The following MYBPC1 variants were observed in gnomAD, a reference collection of about 807,000 sequenced individuals.
MYBPC1 encodes myosin binding protein C1, also known as myosin-binding protein C, slow-type.
MYBPC1 carries 52 observed loss-of-function variants against 147.1 expected under a neutral mutation model. The ratio of observed to expected loss-of-function variants is 0.35; its 90% CI spans 0.28 to 0.45. The LOEUF (loss-of-function observed/expected upper bound fraction) is 0.45. Among genes scored for constraint, MYBPC1 ranks in the 20% least tolerant of loss-of-function variants. The pLI is 1.00. For missense variants in MYBPC1, 1,228 were observed against 1,440.3 expected, an observed-to-expected ratio of 0.85 and a Z score of 2.39; for synonymous variants, 477 against 475.9, an observed-to-expected ratio of 1.00 and a Z score of -0.03.
chr12:101,632,111 A>G lies in MYBPC1; in HGVS notation c.529A>G (p.Ser177Gly), dbSNP rs764240869. ...GGTCACCTATAAGGATAAGTTTGAC[A>G]GCTGTTCATTTGATCTTGAAGTGCA... ...CEVTYKDKFD[S>G]CSFDLEVHES... Residue 177 changes from serine (S) to glycine (G), a missense_variant, in exon 8 of 32, where the codon AGC becomes GGC. By Grantham distance (56) the Ser-to-Gly change is moderately conservative. Around this residue, in one of 2 missense-constraint regions of MYBPC1, gnomAD observed 1,077 missense variants for 1,314.2 expected, o/e 0.82. Transcript: ENST00000361466. The G allele has an allele frequency of 1.9e-6, 3 of 1,613,318 alleles. No homozygotes were observed. In the South Asian group the frequency reaches 3.3e-5, roughly 18 times the overall value.
In MYBPC1 at chr12:101,680,426, C is replaced by A. The variant is rs368046476; in HGVS notation, c.3330C>A (p.Thr1110=). The change falls in exon 29 of 32, where the codon ACC becomes ACA. Residue 1110 remains threonine, a synonymous_variant. Transcript: ENST00000361466. ...YRMFSNQGVC[T]LEIRKPSPYD... is the part of the protein sequence containing the mutation. ...TGTTCAGCAACCAGGGAGTCTGTACCCTGGAAATTCGCAAGCCCAGCCCCT... is the reference window on the plus strand; with the variant it reads ...TGTTCAGCAACCAGGGAGTCTGTACACTGGAAATTCGCAAGCCCAGCCCCT... 6 of 1,613,836 alleles carry A rather than the reference C, an allele frequency of 3.7e-6. No homozygotes were observed. The highest frequency in any genetic ancestry group is 5.1e-6 in the Non-Finnish European group (6 of 1,179,992).
In MYBPC1 at chr12:101,667,887, A is replaced by C. The variant is rs1897782334; in HGVS notation, c.2512A>C (p.Lys838Gln). Residue 838 changes from lysine (K) to glutamine (Q), a missense_variant, in exon 23 of 32, where the codon AAG becomes CAG. By Grantham distance (53) the Lys-to-Gln change is moderately conservative. This residue lies in a region of MYBPC1 where 1,077 missense variants were observed against 1,314.2 expected (regional missense o/e 0.82). Coordinates refer to ENST00000361466, the MANE Select transcript of MYBPC1 (RefSeq NM_002465.4). ...PKYYSQPILV[K>Q]EIIEPPKIRI... ...GTACTATTCTCAGCCCATTCTCGTG[A>C]AGGAAATCATAGGTAGGAGACAAGG... The C allele has an allele frequency of 1.2e-6, 2 of 1,614,054 alleles. No individual in the cohort carries two copies.
chr12:101,660,002 C>A, intron 19 of MYBPC1, 171 bp downstream of exon 19: 1 of 840,986 alleles, frequency 1.2e-6, no homozygotes, highest in Middle Eastern at 3.1e-4. Flanking sequence ...CTAAGGTCAG[C>A]CATTTGGGGT....
chr12:101,674,862 CAAAAAAAAAAA>C (rs62824364), intron 25 of MYBPC1, among the ~76,000 whole-genome samples: 2 of 59,866 alleles, frequency 3.3e-5, no homozygotes, highest in East Asian at 8.1e-4. Context: ...ACTCTGTCTC[CAAAAAAAAAAA>C]AAAAAAAAAA....
At position 101,617,204 on chromosome 12, in the gene MYBPC1, C is replaced by T; in HGVS notation, c.64C>T (p.Pro22Ser). 1 of 1,613,626 alleles carries T rather than the reference C, an allele frequency of 6.2e-7. No homozygotes were observed. The highest frequency in any genetic ancestry group is 8.5e-7 in the Non-Finnish European group (1 of 1,179,792). ...ATATGCTTGTACTTTCTACACAGAACCAAGTAAAGAGAAGGAGGCCGGAAC... is the reference window on the plus strand; with the variant it reads ...ATATGCTTGTACTTTCTACACAGAATCAAGTAAAGAGAAGGAGGCCGGAAC... ...VPAPAPPPEE[P>S]SKEKEAGTTP... The change falls in exon 3 of 32, where the codon CCA becomes TCA. Residue 22 changes from proline (P) to serine (S), a missense_variant and splice_region_variant. By Grantham distance (74) the Pro-to-Ser change is moderately conservative. Around this residue, in one of 2 missense-constraint regions of MYBPC1, gnomAD observed 151 missense variants for 126.1 expected, o/e 1.20. Transcript: ENST00000361466.
chr12:101,624,268 C>T (rs1246272448), intron 3 of MYBPC1, among the ~76,000 whole-genome samples: 1 of 152,028 alleles, frequency 6.6e-6, no homozygotes, highest in Non-Finnish European at 1.5e-5. Flanking sequence ...AGTAATAACA[C>T]ATATCCCTGT....
chr12:101,659,088 A>G (rs11110937), intron 18 of MYBPC1, among the ~76,000 whole-genome samples: 34,102 of 152,094 alleles, frequency 0.22, 4,100 homozygotes, highest in Middle Eastern at 0.34. Context: ...AGGAGGCTCA[A>G]CCTCGCTCTG....
intron 18 of MYBPC1, among the ~76,000 whole-genome samples, chr12:101,655,161 C>A (rs1210826247): frequency 3.3e-5 from 5 of 151,710 alleles, no homozygotes; most frequent in African/African-American, 9.7e-5. Flanking sequence ...TAAGTGTATT[C>A]CATATGTTCA....
rs1440519701 is a variant in MYBPC1, at chr12:101,615,445, T to C, written c.61+914T>C. On this transcript the variant is annotated intron_variant, in intron 2 of 31. Coordinates refer to ENST00000361466, the MANE Select transcript of MYBPC1 (RefSeq NM_002465.4). The stretch of plus-strand genomic sequence containing the variant: ...ATTTACCCTGTGCACAACTCTGACC[T>C]AACCCTTCAGAGGGATTCAGACATA... Among the ~76,000 whole-genome samples the C allele has an allele frequency of 2.0e-5, 3 of 152,280 alleles. No homozygotes were observed. The East Asian group carries it at 5.8e-4, about 29-fold the overall frequency.
intron 18 of MYBPC1, among the ~76,000 whole-genome samples, chr12:101,655,238 A>T (rs952726472): frequency 6.6e-5 from 10 of 152,156 alleles, no homozygotes; most frequent in African/African-American, 2.4e-4. Flanking sequence ...TAATAAAATA[A>T]AATAAAAATT....
chr12:101,660,214 G>A, intron 19 of MYBPC1: 1 of 309,934 alleles, frequency 3.2e-6, no homozygotes, highest in African/African-American at 2.2e-5. Flanking sequence ...CTGTTCCAAG[G>A]TCTGATGCTC....
chr12:101,600,460 G>T (rs1278590387), intron 1 of MYBPC1: 1 of 152,162 alleles, frequency 6.6e-6, no homozygotes, highest in Admixed American at 6.5e-5. Flanking sequence ...AAATAAATAA[G>T]TGGTCTCTTT....
chr12:101,685,604 C>T lies in MYBPC1; in HGVS notation c.*42C>T, dbSNP rs1038370702. On this transcript the variant is annotated 3_prime_UTR_variant, in exon 32 of 32. Transcript: ENST00000361466. Reference sequence around the variant, plus strand: ...TAGGTGGGCTCTCCTTCTGCAGACTCCTCTTGCAAGGCGTACCTCCAAACA... The same window carrying T: ...TAGGTGGGCTCTCCTTCTGCAGACTTCTCTTGCAAGGCGTACCTCCAAACA... 3.9e-6 allele frequency: 6 copies of T among 1,534,068 alleles called. No individual in the cohort carries two copies. Among genetic ancestry groups the T allele is most frequent in the Admixed American group, 2.0e-5 (1 of 50,982 alleles).
chr12:101,631,736 C>G lies in MYBPC1; in HGVS notation c.438+17C>G. 1 of 1,613,850 alleles carries G rather than the reference C, an allele frequency of 6.2e-7. No individual in the cohort carries two copies. Among genetic ancestry groups the G allele is most frequent in the Non-Finnish European group, 8.5e-7 (1 of 1,180,004 alleles). The stretch of plus-strand genomic sequence containing the variant: ...CACAGTCGGGTAAGGCCCTGAACTC[C>G]CAGGACAGGCGCTCAGCTAGCGCAT... On this transcript the variant is annotated intron_variant, in intron 7 of 31. Transcript: ENST00000361466.
chr12:101,660,973 G>T (rs10745919), intron 19 of MYBPC1, among the ~76,000 whole-genome samples, 185 bp from the exon 20 acceptor site: 1 of 152,020 alleles, frequency 6.6e-6, no homozygotes, highest in African/African-American at 2.4e-5. Context: ...GGGAGCTACA[G>T]TTCAAGATGA....
intron 6 of MYBPC1, among the ~76,000 whole-genome samples, chr12:101,630,760 A>T (rs533038578): frequency 3.2e-4 from 49 of 152,200 alleles, no homozygotes; most frequent in Non-Finnish European, 5.9e-4. Flanking sequence ...ATAATCACAA[A>T]TGCCAAGTGC....
At chr12:101,606,246 A>G (rs1210160163) in intron 1 of MYBPC1, among the ~76,000 whole-genome samples, 1 of 151,628 alleles carries the variant, frequency 6.6e-6, no homozygotes, top group Non-Finnish European at 1.5e-5. Context: ...AAGAATGCAC[A>G]AACAATTCTA....
intron 11 of MYBPC1, among the ~76,000 whole-genome samples, chr12:101,644,341 C>T (rs1266233147): frequency 3.3e-5 from 5 of 152,200 alleles, no homozygotes; most frequent in Admixed American, 2.0e-4. Context: ...CCAGCCCCAG[C>T]GTGTTTTTAA....
chr12:101,689,774 G>A (rs1242587470), downstream of MYBPC1, among the ~76,000 whole-genome samples: 1 of 152,212 alleles, frequency 6.6e-6, no homozygotes, highest in Non-Finnish European at 1.5e-5. Flanking sequence ...AGAGCTCAGA[G>A]TGGTTCCTCC....
Sources: gnomAD v4.1 joint callset for allele counts (sites outside exome capture counted in the v4.1 genomes callset) on GRCh38, gnomAD v4.1.1 for gene constraint, gnomAD v4.1.1 regional missense constraint, MANE v1.5 for transcripts, NCBI Gene and HGNC (gene_info 2026-07-23, HGNC 2026-07-21) for gene names.